SYCP1: variants seen among roughly 807,000 people sequenced by gnomAD.
SYCP1 encodes synaptonemal complex protein 1.
Under a neutral mutation model 153.1 loss-of-function variants are expected in SYCP1, and 64 were observed. The observed-to-expected ratio is 0.42, with a 90% CI of 0.34 to 0.51. The LOEUF is 0.51. Among genes scored for constraint, SYCP1 ranks in the 20% least tolerant of loss-of-function variants. The probability of loss-of-function intolerance (pLI) is 0.06; values close to 1 mark genes in which losing one functional copy is unlikely to be tolerated. For missense variants in SYCP1, 997 were observed against 1,049.0 expected (o/e 0.95, Z 0.68); for synonymous variants, 384 against 341.8 (o/e 1.12, Z -1.36).
chr1:114,913,909 A>T (rs1161695336), intron 19 of SYCP1, 66 bp from the exon 20 acceptor site: 39 of 1,215,764 alleles, frequency 3.2e-5, no homozygotes, highest in Non-Finnish European at 2.3e-6. Flanking sequence ...AAAGGTCTTA[A>T]ATAGTAGTTT....
intron 27 of SYCP1, among the ~76,000 whole-genome samples, chr1:114,968,863 C>T (rs1258011296): frequency 2.0e-5 from 3 of 151,730 alleles, no homozygotes; most frequent in Admixed American, 6.6e-5. Context: ...GGGGTTTTTG[C>T]GTGGGCATCC....
At chr1:114,891,869 T>G (rs113251870) in intron 15 of SYCP1, among the ~76,000 whole-genome samples, 1 of 152,238 alleles carries the variant, frequency 6.6e-6, no homozygotes, top group Non-Finnish European at 1.5e-5. Flanking sequence ...TCATGAGGTT[T>G]GCACTCTTCT....
chr1:114,944,380 A>G lies in SYCP1; in HGVS notation c.1968A>G (p.Lys656=), dbSNP rs777444619. ...TAGAACTAGAAAGTGCCAAACAGAA[A>G]TTTGGAGAAATCACAGACACCTATC... ...LELELESAKQ[K]FGEITDTYQK... The change falls in exon 24 of 32, where the codon AAA becomes AAG. Residue 656 remains lysine (K), a synonymous_variant. Transcript: ENST00000369522. The G allele has an allele frequency of 6.2e-6, 10 of 1,606,864 alleles. No homozygotes were observed. In the South Asian group the frequency reaches 7.8e-5, roughly 13 times the overall value.
chr1:114,958,649 G>A (rs148200863), intron 27 of SYCP1, among the ~76,000 whole-genome samples: 3,543 of 151,460 alleles, frequency 0.023, 55 homozygotes, highest in South Asian at 0.034. Context: ...GGCCGGGTGC[G>A]GTGGCCCATG....
intron 19 of SYCP1, 125 bp from the exon 20 acceptor site, chr1:114,913,850 C>A: frequency 1.7e-6 from 1 of 603,262 alleles, no homozygotes; most frequent in East Asian, 3.4e-5. Flanking sequence ...AGTTGAAAAG[C>A]CCATTTTTTT....
chr1:114,985,857 C>T (rs1673463229), intron 30 of SYCP1, among the ~76,000 whole-genome samples: 2 of 150,428 alleles, frequency 1.3e-5, no homozygotes, highest in African/African-American at 4.9e-5. Context: ...AGTTGGCCTT[C>T]TGTATTCACA....
intron 8 of SYCP1, chr1:114,862,904 T>A (rs1664475688): frequency 6.6e-6 from 1 of 152,186 alleles, no homozygotes; most frequent in Non-Finnish European, 1.5e-5. Context: ...CATTCAATAT[T>A]TTTTTAGTGC....
chr1:114,979,462 G>A (rs566238081), intron 28 of SYCP1, among the ~76,000 whole-genome samples: 21 of 151,782 alleles, frequency 1.4e-4, no homozygotes, highest in Non-Finnish European at 3.0e-4. Context: ...GGCTACCAGC[G>A]AAATGTCAAA....
intron 16 of SYCP1, among the ~76,000 whole-genome samples, chr1:114,897,092 A>T (rs533456277): frequency 6.6e-6 from 1 of 152,112 alleles, no homozygotes; most frequent in East Asian, 1.9e-4. Flanking sequence ...CTCCGGGGAG[A>T]CCTTTTTACT....
At chr1:114,856,821 C>T (rs1299036482) in intron 3 of SYCP1, among the ~76,000 whole-genome samples, 164 bp downstream of exon 3, 1 of 142,710 alleles carries the variant, frequency 7.0e-6, no homozygotes, top group African/African-American at 2.6e-5. Flanking sequence ...TGGCTAACAC[C>T]TGTAATTCCA....
chr1:114,877,395 A>G (rs1665614318), intron 11 of SYCP1, among the ~76,000 whole-genome samples: 1 of 152,196 alleles, frequency 6.6e-6, no homozygotes, highest in South Asian at 2.1e-4. Context: ...TCCCAAATGG[A>G]AAGCAATATA....
intron 27 of SYCP1, among the ~76,000 whole-genome samples, chr1:114,955,259 T>G (rs936903940): frequency 3.3e-5 from 5 of 152,112 alleles, no homozygotes; most frequent in African/African-American, 1.2e-4. Context: ...GTGTATGACA[T>G]ATACATATGG....
intron 20 of SYCP1, 72 bp downstream of exon 20, chr1:114,914,117 C>T (rs1668360618): frequency 8.3e-7 from 1 of 1,210,318 alleles, no homozygotes; most frequent in Non-Finnish European, 1.1e-6. Flanking sequence ...AACTTGTTAT[C>T]ATTAATTTAA....
At chr1:114,911,187 T>C (rs751265123) in intron 17 of SYCP1, among the ~76,000 whole-genome samples, 5 of 152,032 alleles carry the variant, frequency 3.3e-5, no homozygotes, top group Non-Finnish European at 7.4e-5. Context: ...CTTGATAATA[T>C]AACATTTTAA....
intron 15 of SYCP1, among the ~76,000 whole-genome samples, chr1:114,888,890 T>C (rs180749164): frequency 4.1e-3 from 617 of 148,900 alleles, no homozygotes; most frequent in Middle Eastern, 7.0e-3. Flanking sequence ...GTGTGTGAGG[T>C]TCCCCTCCCT....
intron 30 of SYCP1, among the ~76,000 whole-genome samples, chr1:114,989,397 C>T (rs1673762225): frequency 7.6e-6 from 1 of 131,210 alleles, no homozygotes. Context: ...ACAAAAGTCA[C>T]CTAAATGGAA....
intron 27 of SYCP1, among the ~76,000 whole-genome samples, chr1:114,971,863 G>A (rs565139470): frequency 5.3e-5 from 8 of 152,080 alleles, no homozygotes; most frequent in Admixed American, 1.3e-4. Context: ...CCGGGATATG[G>A]GCCTTTAGTT....
chr1:114,905,490 C>G (rs1165833552), intron 16 of SYCP1, among the ~76,000 whole-genome samples: 1 of 152,182 alleles, frequency 6.6e-6, no homozygotes, highest in African/African-American at 2.4e-5. Flanking sequence ...GAAGTACCTT[C>G]TTGTACACAA....
intron 23 of SYCP1, among the ~76,000 whole-genome samples, chr1:114,937,887 T>C (rs1670126870): frequency 6.6e-6 from 1 of 152,002 alleles, no homozygotes. Flanking sequence ...CATTAAAAAG[T>C]CAGGAAACAA....
Sources: allele counts gnomAD v4.1 joint callset (sites outside exome capture counted in the v4.1 genomes callset), GRCh38; gene constraint gnomAD v4.1.1; transcripts MANE v1.5; gene names NCBI Gene and HGNC (gene_info 2026-07-23, HGNC 2026-07-21).